ADAMTSL1: variants seen among roughly 807,000 people sequenced by gnomAD.
ADAMTSL1 encodes ADAMTS like 1.
Under a neutral mutation model 201.8 loss-of-function variants are expected in ADAMTSL1, and 126 were observed. The ratio of observed to expected loss-of-function variants is 0.62; its 90% confidence interval spans 0.54 to 0.72. The LOEUF (loss-of-function observed/expected upper bound fraction) is 0.72. Among genes scored for constraint, ADAMTSL1 ranks in the 30% least tolerant of loss-of-function variants. The pLI, the probability that ADAMTSL1 is intolerant of heterozygous loss-of-function variation, is 0.00. For synonymous variants in ADAMTSL1, 1,121 were observed against 903.4 expected, an observed-to-expected ratio of 1.24 and a Z score of -4.32; for missense variants, 2,679 against 2,277.8, an observed-to-expected ratio of 1.18 and a Z score of -3.59.
intron 24 of ADAMTSL1, among the ~76,000 whole-genome samples, 183 bp downstream of exon 24, chr9:18,888,226 C>T (rs1250384694): frequency 6.6e-6 from 1 of 152,188 alleles, no homozygotes; most frequent in Non-Finnish European, 1.5e-5. Context: ...TTCAGAAGAG[C>T]CATCATGCCC....
chr9:18,638,655 A>G lies in ADAMTSL1; in HGVS notation c.677-599A>G, dbSNP rs375136866. Among the ~76,000 whole-genome samples, 133 of 152,286 alleles carry G rather than the reference A, an allele frequency of 8.7e-4. 5 individuals are homozygous for G. The South Asian group carries it at 0.027, about 31-fold the overall frequency. ...CAGTTATGAAATACCTTATATATGC[A>G]TAAAGCTGAACTAAGTATCAAAATG... is the stretch of plus-strand genomic sequence containing the variant. On this transcript the variant is annotated intron_variant, in intron 6 of 28. Transcript: ENST00000380548.
chr9:18,524,817 T>G (rs1226971150), intron 2 of ADAMTSL1, among the ~76,000 whole-genome samples: 2 of 152,188 alleles, frequency 1.3e-5, no homozygotes, highest in East Asian at 3.8e-4. Flanking sequence ...GACAAGCTTT[T>G]TGATGTGCTG....
rs1255390569 is a variant in ADAMTSL1, at chr9:18,662,671, G to T, written c.1085+598G>T. 2.0e-5 allele frequency among the ~76,000 whole-genome samples: 3 copies of T among 152,214 alleles called. No individual in the cohort carries two copies. The East Asian group carries it at 5.8e-4, about 29-fold the overall frequency. On this transcript the variant is annotated intron_variant, in intron 9 of 28. Transcript: ENST00000380548. ...AAGTAGAAGCTTTAAACAGGCACTT[G>T]ACACTTTCACACATGATTATTTGCT... is the stretch of plus-strand genomic sequence containing the variant.
At chr9:18,818,235 A>G (rs1159231332) in intron 21 of ADAMTSL1, among the ~76,000 whole-genome samples, 3 of 152,036 alleles carry the variant, frequency 2.0e-5, no homozygotes, top group Non-Finnish European at 2.9e-5. Flanking sequence ...CTCATCAGAT[A>G]TACCCCACAG....
At chr9:18,142,419 G>C (rs147124491) in intron 1 of ADAMTSL1, among the ~76,000 whole-genome samples, 9 of 152,172 alleles carry the variant, frequency 5.9e-5, no homozygotes, top group Non-Finnish European at 2.9e-5. Flanking sequence ...CATAATATGC[G>C]TTCTTTAAAA....
chr9:18,459,751 CTG>C (rs1435857376), intron 2 of ADAMTSL1, among the ~76,000 whole-genome samples: 2 of 152,174 alleles, frequency 1.3e-5, no homozygotes, highest in South Asian at 2.1e-4. Flanking sequence ...TATTAGGTAA[CTG>C]TAAAAATTGA....
At chr9:18,604,499 A>G (rs1377011763) in intron 4 of ADAMTSL1, among the ~76,000 whole-genome samples, 1 of 152,166 alleles carries the variant, frequency 6.6e-6, no homozygotes, top group East Asian at 1.9e-4. Flanking sequence ...GCCTAGTATA[A>G]TGAAATCATA....
chr9:18,121,063 C>A (rs995671965), intron 1 of ADAMTSL1, among the ~76,000 whole-genome samples: 1 of 152,062 alleles, frequency 6.6e-6, no homozygotes, highest in Non-Finnish European at 1.5e-5. Context: ...TTTTAAAAAA[C>A]CGTAGTTTAA....
chr9:18,656,628 C>CAAAAAA (rs34965386), intron 7 of ADAMTSL1, among the ~76,000 whole-genome samples: 1 of 75,362 alleles, frequency 1.3e-5, no homozygotes, highest in Non-Finnish European at 2.6e-5. Context: ...GACTCCATCG[C>CAAAAAA]AAAAAAAAAA....
At chr9:18,707,158 G>A in intron 14 of ADAMTSL1, 110 bp downstream of exon 14, 4 of 1,324,322 alleles carry the variant, frequency 3.0e-6, no homozygotes, top group Admixed American at 2.5e-5. Flanking sequence ...ATAAGCAGGA[G>A]GAGGAGGGGA....
chr9:18,101,208 A>C (rs554962122), intron 1 of ADAMTSL1, among the ~76,000 whole-genome samples: 52 of 152,252 alleles, frequency 3.4e-4, no homozygotes, highest in Non-Finnish European at 5.6e-4. Context: ...TTTAAAACGG[A>C]TTATGTAGGC....
chr9:18,484,875 GGTTGGCAGGTAGGTAGGA>G (rs1212992602), intron 1 of ADAMTSL1, among the ~76,000 whole-genome samples: 1 of 152,144 alleles, frequency 6.6e-6, no homozygotes, highest in African/African-American at 2.4e-5. Flanking sequence ...AAATAAGGCT[GGTTGGCAGGTAGGTAGGA>G]GTTACGGAAA....
intron 1 of ADAMTSL1, among the ~76,000 whole-genome samples, chr9:17,919,914 C>T (rs891406053): frequency 3.9e-5 from 6 of 152,084 alleles, no homozygotes; most frequent in African/African-American, 7.2e-5. Context: ...TCCAAACCTG[C>T]TACACCATTA....
chr9:18,777,300 T>C lies in ADAMTSL1; in HGVS notation c.3071T>C (p.Leu1024Pro), dbSNP rs1232120889. The change falls in exon 19 of 29, where the codon CTC becomes CCC. Residue 1024 changes from leucine to proline, a missense_variant. Leu to Pro is a moderately conservative substitution (Grantham distance 98). Coordinates refer to ENST00000380548, the MANE Select transcript of ADAMTSL1 (RefSeq NM_001040272.6). Reference sequence around the variant, plus strand: ...AACCCGGGGAGCCGCTACGACGACCTCGTCTCCCGGCTGCTGGAGCAGGGC... The same window carrying C: ...AACCCGGGGAGCCGCTACGACGACCCCGTCTCCCGGCTGCTGGAGCAGGGC... The part of the protein sequence containing the change: ...AANPGSRYDD[L>P]VSRLLEQGGW... 2 of 1,604,886 alleles carry C rather than the reference T, an allele frequency of 1.2e-6. No homozygotes were observed. The highest frequency in any genetic ancestry group is 3.4e-5 in the Admixed American group (2 of 59,042).
At chr9:18,399,635 G>A (rs989317261) in intron 2 of ADAMTSL1, among the ~76,000 whole-genome samples, 3 of 151,946 alleles carry the variant, frequency 2.0e-5, no homozygotes, top group African/African-American at 4.8e-5. Flanking sequence ...ACAGGCATGA[G>A]CCACCGCACC....
intron 5 of ADAMTSL1, among the ~76,000 whole-genome samples, chr9:18,628,098 G>T (rs10810997): frequency 3.3e-5 from 5 of 152,008 alleles, no homozygotes; most frequent in Non-Finnish European, 7.4e-5. Context: ...CTTTTCATTT[G>T]GATGAAGACC....
At chr9:18,825,556 T>G (rs930579398) in intron 21 of ADAMTSL1, among the ~76,000 whole-genome samples, 9 of 143,864 alleles carry the variant, frequency 6.3e-5, no homozygotes, top group Non-Finnish European at 1.3e-4. Context: ...CATACATATA[T>G]TTTAACGTTG....
intron 23 of ADAMTSL1, among the ~76,000 whole-genome samples, chr9:18,869,944 A>G (rs375769964): frequency 4.0e-5 from 6 of 151,054 alleles, no homozygotes; most frequent in Non-Finnish European, 7.4e-5. Flanking sequence ...TTTTTTTTCA[A>G]TTTTTTTCTG....
At chr9:17,956,317 T>A (rs1379260825) in intron 1 of ADAMTSL1, among the ~76,000 whole-genome samples, 1 of 152,144 alleles carries the variant, frequency 6.6e-6, no homozygotes, top group Non-Finnish European at 1.5e-5. Context: ...AATTTTGATC[T>A]TTTCTGTTTT....
Sources: gnomAD v4.1 joint callset for allele counts (sites outside exome capture counted in the v4.1 genomes callset) on GRCh38, gnomAD v4.1.1 for gene constraint, MANE v1.5 for transcripts, NCBI Gene and HGNC (gene_info 2026-07-23, HGNC 2026-07-21) for gene names.